TTN: variants seen among roughly 807,000 people sequenced by gnomAD.
TTN encodes titin.
Under a neutral mutation model 3,223.0 loss-of-function variants are expected in TTN, and 1,525 were observed. That is an observed-to-expected ratio of 0.47 (90% CI 0.45 to 0.49). The LOEUF (loss-of-function observed/expected upper bound fraction) is 0.49. Among genes scored for constraint, TTN ranks in the 20% least tolerant of loss-of-function variants. The probability of loss-of-function intolerance (pLI) is 0.00; values close to 1 mark genes in which losing one functional copy is unlikely to be tolerated. For missense variants in TTN, 40,786 were observed against 43,424.0 expected (o/e 0.94, Z 5.40); for synonymous variants, 14,094 against 15,161.0 (o/e 0.93, Z 5.17).
chr2:178,693,094 G>C (rs911123106), intron 119 of TTN, among the ~76,000 whole-genome samples: 3 of 152,060 alleles, frequency 2.0e-5, no homozygotes, highest in African/African-American at 7.2e-5. Context: ...GAGTTGGAAA[G>C]AGATGTGCAG....
chr2:178,529,810 T>C (rs1688253489), intron 359 of TTN, 150 bp downstream of exon 359: 14 of 879,496 alleles, frequency 1.6e-5, no homozygotes, highest in Non-Finnish European at 2.3e-5. Flanking sequence ...AATGTGTGTT[T>C]CTGCTTTGGT....
At chr2:178,638,187 A>C (rs866844393) in intron 223 of TTN, among the ~76,000 whole-genome samples, 2 of 151,928 alleles carry the variant, frequency 1.3e-5, no homozygotes, top group South Asian at 4.1e-4. Flanking sequence ...CATAAACATC[A>C]GCAACAAAAT....
Position 178,728,504 on chromosome 2 carries a change from C to G in TTN, c.19422G>C (p.Val6474=), listed in dbSNP as rs1340955433. ...GSSSCDAYLR[V]LDQNIPPSFT... is the part of the protein sequence containing the mutation. ...GACTGGGGTGAAGATACAAACCTAG[C>G]ACTCTTAAGTAGGCATCACAGCTAC... Residue 6474 remains valine (V), a synonymous_variant, in exon 66 of 363, where the codon GTG becomes GTC. Coordinates refer to ENST00000589042, the MANE Select transcript of TTN (RefSeq NM_001267550.2). 3 of 1,606,472 alleles carry G rather than the reference C, an allele frequency of 1.9e-6. No homozygotes were observed. The African/African-American group carries it at 4.0e-5, about 21-fold the overall frequency.
In TTN at chr2:178,775,507, T is replaced by C; in HGVS notation, c.6357A>G (p.Glu2119=). The C allele has an allele frequency of 1.9e-6, 3 of 1,613,936 alleles. No individual in the cohort carries two copies. The highest frequency in any genetic ancestry group is 2.5e-6 in the Non-Finnish European group (3 of 1,179,970). ...AGTACCAGTAGATCCGGTCAGACCGTTCAATTTTGACACCATTTTTGTACC... is the reference window on the plus strand; with the variant it reads ...AGTACCAGTAGATCCGGTCAGACCGCTCAATTTTGACACCATTTTTGTACC... ...CEWYKNGVKI[E]RSDRIYWYWP... is the part of the protein sequence containing the mutation. The change falls in exon 28 of 363, where the codon GAA becomes GAG. Residue 2119 remains glutamate, a synonymous_variant. Transcript: ENST00000589042.
rs371345921 is a variant in TTN at position 178,562,502 on chromosome 2, C to T, written c.83630G>A (p.Arg27877His). Residue 27877 changes from arginine (R) to histidine (H), a missense_variant, in exon 326 of 363, where the codon CGT becomes CAT. Transcript: ENST00000589042. The stretch of plus-strand genomic sequence containing the variant: ...CTCCCACTTAATTGTAGCTGTATTA[C>T]GGGTCACATCAACAAGAGTTACTCT... Reference protein sequence around the residue: ...PGRVTLVDVTRNTATIKWEKP... With the variant: ...PGRVTLVDVTHNTATIKWEKP... The T allele has an allele frequency of 2.3e-5, 37 of 1,612,468 alleles. No homozygotes were observed. The highest frequency in any genetic ancestry group is 1.3e-4 in the South Asian group (12 of 90,648).
rs749738999 is a variant in TTN at position 178,592,469 on chromosome 2, T to G, written c.59536A>C (p.Asn19846His). ...TPVGSKLEIR[N>H]AAHEDGGIYS... ...ATTCCACCATCTTCATGGGCAGCAT[T>G]ACGAATTTCAAGCTTGCTACCAACT... The change falls in exon 301 of 363, where the codon AAT becomes CAT. Residue 19846 changes from asparagine (N) to histidine (H), a missense_variant. Physicochemically the swap from Asn to His is moderately conservative, Grantham distance 68. Transcript: ENST00000589042. The G allele has an allele frequency of 1.2e-6, 2 of 1,613,530 alleles. No individual in the cohort carries two copies. Among genetic ancestry groups the G allele is most frequent in the Non-Finnish European group, 1.7e-6 (2 of 1,179,604 alleles).
At position 178,637,380 on chromosome 2, in the gene TTN, C is replaced by A. The variant is rs1306310824; in HGVS notation, c.40916G>T (p.Gly13639Val). ...APKEEAAKPKGPIKGVPKKTP... is the reference protein window; with the variant it reads ...APKEEAAKPKVPIKGVPKKTP... The stretch of plus-strand genomic sequence containing the variant: ...AAAATGAATTTCACCTTTGATAGGA[C>A]CTTTTGGCTTGGCAGCCTCTTCCTT... The change falls in exon 224 of 363, where the codon GGT becomes GTT. Residue 13639 changes from glycine (G) to valine (V), a missense_variant. Physicochemically the swap from Gly to Val is moderately radical, Grantham distance 109. Transcript: ENST00000589042. The A allele has an allele frequency of 1.4e-6, 2 of 1,477,618 alleles. No homozygotes were observed. Among genetic ancestry groups the A allele is most frequent in the South Asian group, 3.1e-5 (2 of 65,378 alleles). 91.5% of individuals were successfully genotyped at this position (1,477,618 alleles called of 1,614,324 possible).
At chr2:178,709,947 G>T in intron 98 of TTN, 91 bp from the exon 99 acceptor site, 1 of 1,355,222 alleles carries the variant, frequency 7.4e-7, no homozygotes. Context: ...CATATTTTTA[G>T]TTAAAAATCA....
chr2:178,594,986 AGAAATTT>A (rs2051140739), intron 295 of TTN, among the ~76,000 whole-genome samples: 1 of 152,110 alleles, frequency 6.6e-6, no homozygotes, highest in Admixed American at 6.6e-5. Flanking sequence ...TATAGATGGA[AGAAATTT>A]GATAAATGAA....
intron 11 of TTN, 55 bp downstream of exon 11, chr2:178,790,653 G>C (rs1221715474): frequency 6.2e-7 from 1 of 1,612,574 alleles, no homozygotes; most frequent in Non-Finnish European, 8.5e-7. Flanking sequence ...AAATGTAGGT[G>C]ATTTGCAAAT....
At chr2:178,620,151 T>C in intron 248 of TTN, 39 bp from the exon 249 acceptor site, 1 of 1,595,850 alleles carries the variant, frequency 6.3e-7, no homozygotes, top group Non-Finnish European at 8.5e-7. Context: ...CTTGCAATGA[T>C]GGCCACTAAA....
At position 178,563,813 on chromosome 2, in the gene TTN, T is replaced by C. The variant is rs781246930; in HGVS notation, c.82319A>G (p.Tyr27440Cys). ...ATTCACAGCCATGACACGGAAAATGTACTCATTACCAGGAAGAAGTTTAGT... is the reference window on the plus strand; with the variant it reads ...ATTCACAGCCATGACACGGAAAATGCACTCATTACCAGGAAGAAGTTTAGT... Reference protein sequence around the residue: ...KVTKLLPGNEYIFRVMAVNKY... With the variant: ...KVTKLLPGNECIFRVMAVNKY... Residue 27440 changes from tyrosine (Y) to cysteine (C), a missense_variant, in exon 326 of 363, where the codon TAC becomes TGC. Transcript: ENST00000589042. This position sits in a 1 kb window ranked among gnomAD's most constrained non-coding sequence, Gnocchi z 4.5. 6.2e-7 allele frequency: 1 copy of C among 1,613,748 alleles called. No individual in the cohort carries two copies. The highest frequency in any genetic ancestry group is 1.3e-5 in the African/African-American group (1 of 75,038).
At chr2:178,527,916 G>T in intron 361 of TTN, 168 bp from the exon 362 acceptor site, 1 of 610,388 alleles carries the variant, frequency 1.6e-6, no homozygotes, top group Non-Finnish European at 2.7e-6. Flanking sequence ...TTTGTCAAGA[G>T]CTAGCTCAAT....
In TTN at chr2:178,753,158, C is replaced by T; in HGVS notation, c.11277G>A (p.Glu3759=). The change falls in exon 47 of 363, where the codon GAG becomes GAA. Residue 3759 remains glutamate (E), a synonymous_variant. Transcript: ENST00000589042. ...CCATCTCAATCTCTTGTTCAATCCT[C>T]TCATGCAAAATTGATTCAGGAGCTA... ...VEGAPESILH[E]RIEQEIEMEM... is the part of the protein sequence containing the mutation. 6.2e-7 allele frequency: 1 copy of T among 1,609,406 alleles called. No homozygotes were observed. The highest frequency in any genetic ancestry group is 8.5e-7 in the Non-Finnish European group (1 of 1,177,372).
At chr2:178,675,622 C>T in intron 149 of TTN, 49 bp downstream of exon 149, 1 of 1,319,104 alleles carries the variant, frequency 7.6e-7, no homozygotes, top group Non-Finnish European at 9.8e-7. Flanking sequence ...GATAGAACCA[C>T]AGTTCAACAT....
rs2068577219 is a variant in TTN, at chr2:178,678,382, C to A, written c.33910+32G>T. ...AGTATACATAGATGTGAGTTTTTTC[C>A]CCCAAGTACTCTAAGTGATGAAATT... On this transcript the variant is annotated intron_variant, in intron 144 of 362. Coordinates refer to ENST00000589042, the MANE Select transcript of TTN (RefSeq NM_001267550.2). 7.7e-6 allele frequency: 12 copies of A among 1,554,254 alleles called. No homozygotes were observed. The East Asian group carries it at 2.8e-4, about 37-fold the overall frequency.
In TTN at chr2:178,782,350, G is replaced by T. The variant is rs528216574; in HGVS notation, c.3242C>A (p.Ala1081Glu). 1 of 1,614,036 alleles carries T rather than the reference G, an allele frequency of 6.2e-7. No homozygotes were observed. The highest frequency in any genetic ancestry group is 8.5e-7 in the Non-Finnish European group (1 of 1,179,974). ...EEQAGPGEPA[A>E]PYFITKPVVQ... ...CACTGGTTTTGTAATAAAGTAAGGC[G>T]CGGCAGGTTCTCCAGGCCCTGCTTG... is the stretch of plus-strand genomic sequence containing the variant. The change falls in exon 20 of 363, where the codon GCG (alanine) becomes GAG (glutamate). Residue 1081 changes from alanine (A) to glutamate (E), a missense_variant. By Grantham distance (107) the Ala-to-Glu change is moderately radical. Transcript: ENST00000589042.
At chr2:178,605,950 C>T (rs959180921) in intron 278 of TTN, among the ~76,000 whole-genome samples, 19 of 151,986 alleles carry the variant, frequency 1.3e-4, no homozygotes, top group Middle Eastern at 3.4e-3. Flanking sequence ...ATCAAGGGCA[C>T]GTATGCTTTT....
chr2:178,575,408 C>T lies in TTN; in HGVS notation c.70724G>A (p.Gly23575Asp), dbSNP rs754974293. Residue 23575 changes from glycine (G) to aspartate (D), a missense_variant, in exon 326 of 363, where the codon GGC (glycine) becomes GAC (aspartate). Gly to Asp is a moderately conservative substitution (Grantham distance 94). Coordinates refer to ENST00000589042, the MANE Select transcript of TTN (RefSeq NM_001267550.2). This position sits in a 1 kb window ranked among gnomAD's most constrained non-coding sequence, Gnocchi z 4.0. The stretch of plus-strand genomic sequence containing the variant: ...TGTGATGTGGGTCCACTGGTCAGAG[C>T]CTTTTCTTTGGGCTTCAATCACATA... ...TGYVIEAQRK[G>D]SDQWTHITTV... 9.3e-6 allele frequency: 15 copies of T among 1,613,588 alleles called. No individual in the cohort carries two copies. The highest frequency in any genetic ancestry group is 1.7e-5 in the Admixed American group (1 of 59,988).
Sources: allele counts gnomAD v4.1 joint callset (sites outside exome capture counted in the v4.1 genomes callset), GRCh38; gene constraint gnomAD v4.1.1; non-coding constraint Gnocchi (gnomAD v3.1); transcripts MANE v1.5; gene names NCBI Gene and HGNC (gene_info 2026-07-23, HGNC 2026-07-21).